Variants in NPLOC4 observed in about 807,000 individuals in gnomAD.
The protein encoded by NPLOC4 is nuclear protein localization protein 4 homolog.
A neutral mutation model predicts 80.6 loss-of-function variants in NPLOC4; 18 were observed. That is an observed-to-expected ratio of 0.22 (90% confidence interval 0.15 to 0.33). The LOEUF (loss-of-function observed/expected upper bound fraction) is 0.33. Among genes scored for constraint, NPLOC4 ranks in the 10% least tolerant of loss-of-function variants. NPLOC4 has a pLI of 1.00. For missense variants in NPLOC4, 540 were observed against 786.1 expected, an observed-to-expected ratio of 0.69 and a Z score of 3.74; for synonymous variants, 313 against 301.5, an observed-to-expected ratio of 1.04 and a Z score of -0.39.
chr17:81,611,453 G>A (rs1226578721), intron 4 of NPLOC4, among the ~76,000 whole-genome samples: 2 of 150,982 alleles, frequency 1.3e-5, no homozygotes, highest in African/African-American at 2.4e-5. Flanking sequence ...CGTTTCAAGC[G>A]ATTCTCCTGT....
At chr17:81,614,616 T>C (rs1336817449) in intron 3 of NPLOC4, among the ~76,000 whole-genome samples, 2 of 150,710 alleles carry the variant, frequency 1.3e-5, no homozygotes, top group African/African-American at 4.9e-5. Flanking sequence ...TCCAAAAAGG[T>C]TGCCACAAGT....
intron 2 of NPLOC4, among the ~76,000 whole-genome samples, chr17:81,626,730 C>T (rs2035805587): frequency 6.6e-6 from 1 of 152,064 alleles, no homozygotes; most frequent in Non-Finnish European, 1.5e-5. Flanking sequence ...CCCGGGAAGT[C>T]AAGGCTGCAG....
intron 3 of NPLOC4, among the ~76,000 whole-genome samples, chr17:81,617,671 C>CCCCTCT (rs2035537165): frequency 6.6e-6 from 1 of 151,194 alleles, no homozygotes; most frequent in Admixed American, 6.6e-5. Flanking sequence ...GCCCCCCCTC[C>CCCCTCT]CCCTCCGTCT....
At position 81,607,393 on chromosome 17, in the gene NPLOC4, CAAA is replaced by C. The variant is rs1158799161; in HGVS notation, c.531-582_531-580del. On this transcript the variant is annotated intron_variant, in intron 6 of 16. Transcript: ENST00000331134. ...TCCAGCTTTATTGAAATATAACTGACAAAAAAAAAAAAAAAAGAAATCTGTATC... is the reference window on the plus strand; with the variant it reads ...TCCAGCTTTATTGAAATATAACTGACAAAAAAAAAAAAAGAAATCTGTATC... 4.6e-3 allele frequency among the ~76,000 whole-genome samples: 357 copies of C among 77,872 alleles called. 2 individuals carry two copies. The highest frequency in any genetic ancestry group is 7.8e-3 in the Non-Finnish European group (275 of 35,420). The allele number at this position is 77,872 out of a possible 152,430, so 51.1% of individuals were successfully genotyped here. A position where few individuals can be genotyped will look rare whatever the true frequency, so the allele number is the denominator to read the frequency against.
intron 2 of NPLOC4, among the ~76,000 whole-genome samples, chr17:81,624,954 C>T (rs960928341): frequency 6.6e-6 from 1 of 152,176 alleles, no homozygotes; most frequent in Admixed American, 6.6e-5. Context: ...GCCACACAGA[C>T]GAAAGGCAGG....
At chr17:81,600,540 T>C (rs1304076674) in intron 8 of NPLOC4, 113 bp from the exon 9 acceptor site, 1 of 738,188 alleles carries the variant, frequency 1.4e-6, no homozygotes, top group African/African-American at 1.8e-5. Context: ...GGCCTCCTTG[T>C]CAGAAAGGAG....
intron 7 of NPLOC4, among the ~76,000 whole-genome samples, chr17:81,605,820 TTTTC>T (rs1158888843): frequency 6.7e-6 from 1 of 149,498 alleles, no homozygotes; most frequent in Non-Finnish European, 1.5e-5. Context: ...AACAAACACA[TTTTC>T]TTTTTTTTTT....
chr17:81,605,262 C>A, intron 7 of NPLOC4, among the ~76,000 whole-genome samples: 1 of 141,962 alleles, frequency 7.0e-6, no homozygotes, highest in Admixed American at 7.1e-5. Context: ...GCCTGGGCGA[C>A]AGAGCAAAAC....
At chr17:81,608,940 A>G in intron 5 of NPLOC4, 118 bp from the exon 6 acceptor site, 1 of 685,526 alleles carries the variant, frequency 1.5e-6, no homozygotes, top group South Asian at 1.8e-5. Flanking sequence ...CAAGGCCCAC[A>G]GTGAAAGCAG....
rs58774657 is a variant in NPLOC4 at position 81,564,083 on chromosome 17, A to AACAC, written c.1669+1418_1669+1421dup. 2,092 of 274,180 alleles carry AACAC rather than the reference A, an allele frequency of 7.6e-3. 3 individuals are homozygous for AACAC. Among genetic ancestry groups the AACAC allele is most frequent in the Non-Finnish European group, 9.0e-3 (1,233 of 137,676 alleles). The allele number at this position is 274,180 out of a possible 1,614,324, so 17.0% of individuals were successfully genotyped here. On this transcript the variant is annotated intron_variant, in intron 16 of 16. Coordinates refer to ENST00000331134, the MANE Select transcript of NPLOC4 (RefSeq NM_017921.4). ...GAGACAGGGTGAGGCTCCAGCTCAA[A>AACAC]ACACACACACACACACACACACACA... is the stretch of plus-strand genomic sequence containing the variant.
intron 13 of NPLOC4, among the ~76,000 whole-genome samples, chr17:81,569,510 C>T (rs1039670638): frequency 1.3e-5 from 2 of 152,224 alleles, no homozygotes; most frequent in South Asian, 4.1e-4. Flanking sequence ...GCCAGGAGGC[C>T]GCCCCAGGAG....
chr17:81,617,121 T>C (rs2035515044), intron 3 of NPLOC4, among the ~76,000 whole-genome samples: 1 of 152,088 alleles, frequency 6.6e-6, no homozygotes, highest in Admixed American at 6.5e-5. Flanking sequence ...ACAGCCCGGA[T>C]AGGGAGTCCT....
At chr17:81,573,941 G>A (rs1291314483) in intron 12 of NPLOC4, among the ~76,000 whole-genome samples, 1 of 152,222 alleles carries the variant, frequency 6.6e-6, no homozygotes, top group Non-Finnish European at 1.5e-5. Context: ...CGTGACGAGT[G>A]GCTGCCAGTC....
intron 2 of NPLOC4, among the ~76,000 whole-genome samples, chr17:81,623,708 G>A (rs1310243591): frequency 3.3e-5 from 5 of 151,484 alleles, no homozygotes; most frequent in Admixed American, 2.0e-4. Flanking sequence ...TGAGGCAGGA[G>A]AGTGGCGTGA....
At chr17:81,564,986 G>T (rs546208044) in intron 16 of NPLOC4, 79 of 343,828 alleles carry the variant, frequency 2.3e-4, no homozygotes, top group African/African-American at 1.3e-3. Context: ...AATGCTGACA[G>T]AAGGTTCTCA....
intron 3 of NPLOC4, among the ~76,000 whole-genome samples, chr17:81,619,593 G>A (rs926796824): frequency 1.5e-4 from 22 of 150,836 alleles, no homozygotes; most frequent in Admixed American, 1.2e-3. Flanking sequence ...GAAAAAAGGC[G>A]GGGTGCCAGG....
At chr17:81,588,113 T>C (rs2034638021) in intron 12 of NPLOC4, 1 of 152,194 alleles carries the variant, frequency 6.6e-6, no homozygotes, top group African/African-American at 2.4e-5. Flanking sequence ...TAACTGCAGA[T>C]GAGACACTGT....
At chr17:81,583,925 T>C (rs1312386374) in intron 12 of NPLOC4, among the ~76,000 whole-genome samples, 2 of 152,258 alleles carry the variant, frequency 1.3e-5, no homozygotes, top group Non-Finnish European at 2.9e-5. Context: ...AGATGCATTT[T>C]TAATTTTGCT....
At chr17:81,569,387 C>T (rs1339120938) in intron 13 of NPLOC4, among the ~76,000 whole-genome samples, 2 of 152,264 alleles carry the variant, frequency 1.3e-5, no homozygotes, top group African/African-American at 4.8e-5. Flanking sequence ...GGCACTGGGA[C>T]TCCCCTCGTG....
Sources: gnomAD v4.1 joint callset for allele counts (sites outside exome capture counted in the v4.1 genomes callset) on GRCh38, gnomAD v4.1.1 for gene constraint, MANE v1.5 for transcripts, NCBI Gene and HGNC (gene_info 2026-07-23, HGNC 2026-07-21) for gene names.